The following SLC8A1 variants were observed in gnomAD, a reference collection of about 807,000 sequenced individuals.
The protein encoded by SLC8A1 is solute carrier family 8 member A1.
In SLC8A1, 18 loss-of-function variants were observed where a neutral mutation model predicts 68.3. That is an observed-to-expected ratio of 0.26 (90% CI 0.18 to 0.39). SLC8A1 has a LOEUF of 0.39. Among genes scored for constraint, SLC8A1 ranks in the 10% least tolerant of loss-of-function variants. The probability of loss-of-function intolerance (pLI) is 1.00; values close to 1 mark genes in which losing one functional copy is unlikely to be tolerated. For missense variants in SLC8A1, 985 were observed against 1,156.7 expected (o/e 0.85, Z 2.15); for synonymous variants, 475 against 415.5 (o/e 1.14, Z -1.74).
chr2:40,126,855 A>G (rs759609013), intron 7 of SLC8A1, among the ~76,000 whole-genome samples: 7 of 152,140 alleles, frequency 4.6e-5, no homozygotes, highest in African/African-American at 9.7e-5. Flanking sequence ...TAGACATATC[A>G]TCTGTCTTGT....
intron 2 of SLC8A1, among the ~76,000 whole-genome samples, chr2:40,367,306 C>T (rs1676538133): frequency 6.6e-6 from 1 of 151,968 alleles, no homozygotes; most frequent in Admixed American, 6.6e-5. Context: ...GCCTGTGTTC[C>T]CTAGTCAACC....
intron 1 of SLC8A1, among the ~76,000 whole-genome samples, chr2:40,477,005 TG>T (rs896953707): frequency 6.6e-6 from 1 of 152,206 alleles, no homozygotes; most frequent in African/African-American, 2.4e-5. Flanking sequence ...TAATTTTTTT[TG>T]GGAGGATGTT....
chr2:40,381,393 G>T (rs914449922), intron 2 of SLC8A1, among the ~76,000 whole-genome samples: 9 of 151,958 alleles, frequency 5.9e-5, no homozygotes, highest in African/African-American at 1.9e-4. Flanking sequence ...TAGTATCTTA[G>T]AGATTCCTGT....
intron 2 of SLC8A1, among the ~76,000 whole-genome samples, chr2:40,202,273 C>T (rs1046394034): frequency 3.3e-5 from 5 of 151,992 alleles, no homozygotes; most frequent in Non-Finnish European, 7.4e-5. Context: ...CATCCTTGCA[C>T]GTCCAAATCT....
At chr2:40,450,046 C>G (rs1368945967) in intron 1 of SLC8A1, among the ~76,000 whole-genome samples, 1 of 152,186 alleles carries the variant, frequency 6.6e-6, no homozygotes, top group Non-Finnish European at 1.5e-5. Context: ...GAGCACACAT[C>G]TTGCCTCTTG....
intron 1 of SLC8A1, among the ~76,000 whole-genome samples, chr2:40,509,976 C>T (rs1438804161): frequency 6.6e-6 from 1 of 151,878 alleles, no homozygotes. Flanking sequence ...TACAGGCATG[C>T]ACCGCCACAC....
At chr2:40,448,916 A>G (rs1576570607) in intron 1 of SLC8A1, among the ~76,000 whole-genome samples, 1 of 152,194 alleles carries the variant, frequency 6.6e-6, no homozygotes, top group East Asian at 1.9e-4. Flanking sequence ...TAAAGTGACA[A>G]TTTAATGTTT....
chr2:40,168,336 G>A (rs17025367), intron 4 of SLC8A1, among the ~76,000 whole-genome samples: 27,052 of 151,982 alleles, frequency 0.18, 3,214 homozygotes, highest in East Asian at 0.63. Flanking sequence ...TGAAGGTGAT[G>A]GTAAGGATAG....
At chr2:40,326,428 A>T (rs1220993719) in intron 2 of SLC8A1, among the ~76,000 whole-genome samples, 1 of 150,480 alleles carries the variant, frequency 6.6e-6, no homozygotes, top group African/African-American at 2.5e-5. Flanking sequence ...AAAGGCTCCA[A>T]TAAGCAGCAG....
intron 2 of SLC8A1, among the ~76,000 whole-genome samples, chr2:40,287,617 T>TGTGTGTGTGTGTGTGTGTGTGTGCGC (rs1316566001): frequency 6.7e-6 from 1 of 149,070 alleles, no homozygotes; most frequent in Non-Finnish European, 1.5e-5. Flanking sequence ...TGTGTGTGTG[T>TGTGTGTGTGTGTGTGTGTGTGTGCGC]GTGCATGCAG....
chr2:40,506,150 A>T (rs563506806), intron 1 of SLC8A1, among the ~76,000 whole-genome samples: 38 of 149,770 alleles, frequency 2.5e-4, no homozygotes, highest in African/African-American at 7.8e-4. Context: ...TTCACCAAAG[A>T]TATGAAAAGA....
At chr2:40,333,174 C>T (rs1454820584) in intron 2 of SLC8A1, among the ~76,000 whole-genome samples, 1 of 152,194 alleles carries the variant, frequency 6.6e-6, no homozygotes, top group African/African-American at 2.4e-5. Flanking sequence ...TGCGGTGGCT[C>T]ACGCCTATAA....
intron 2 of SLC8A1, among the ~76,000 whole-genome samples, chr2:40,402,349 A>T (rs540855526): frequency 6.6e-6 from 1 of 152,262 alleles, no homozygotes; most frequent in Non-Finnish European, 1.5e-5. Context: ...TTTGCCAAAA[A>T]CTCAGGAATA....
At chr2:40,108,034 G>A (rs912531743) in exon 8 of SLC8A1, 13 of 152,092 alleles carry the variant, frequency 8.5e-5, no homozygotes, top group African/African-American at 2.2e-4. Context: ...GTTCATTTGG[G>A]CCAGACTCAA....
chr2:40,245,821 C>T (rs1349461072), intron 2 of SLC8A1, among the ~76,000 whole-genome samples: 2 of 152,036 alleles, frequency 1.3e-5, no homozygotes, highest in Non-Finnish European at 2.9e-5. Flanking sequence ...AATTAAATCT[C>T]GTAGAATGGT....
intron 2 of SLC8A1, among the ~76,000 whole-genome samples, chr2:40,247,434 A>ATGTG (rs3059492): frequency 1.6e-4 from 24 of 150,740 alleles, no homozygotes; most frequent in South Asian, 2.1e-4. Context: ...CAGCATATAT[A>ATGTG]TGTGTGTGTG....
At chr2:40,390,005 T>G (rs1684786155) in intron 2 of SLC8A1, among the ~76,000 whole-genome samples, 1 of 151,916 alleles carries the variant, frequency 6.6e-6, no homozygotes, top group South Asian at 2.1e-4. Flanking sequence ...TTTTCCCTCC[T>G]CATTGAAAGT....
At chr2:40,162,200 G>A (rs1441152828) in intron 5 of SLC8A1, among the ~76,000 whole-genome samples, 2 of 152,176 alleles carry the variant, frequency 1.3e-5, no homozygotes, top group Non-Finnish European at 2.9e-5. Context: ...GATAACAGCT[G>A]TAACCATCAC....
At chr2:40,325,382 T>A (rs1374682092) in intron 2 of SLC8A1, among the ~76,000 whole-genome samples, 1 of 152,172 alleles carries the variant, frequency 6.6e-6, no homozygotes, top group Non-Finnish European at 1.5e-5. Context: ...TGCTTTTCCC[T>A]TGCAAACCAG....
Sources: gnomAD v4.1 joint callset for allele counts (sites outside exome capture counted in the v4.1 genomes callset) on GRCh38, gnomAD v4.1.1 for gene constraint, MANE v1.5 for transcripts, NCBI Gene and HGNC (gene_info 2026-07-23, HGNC 2026-07-21) for gene names.